GALNT8: variants seen among roughly 807,000 people sequenced by gnomAD.
GALNT8 encodes the protein probable polypeptide N-acetylgalactosaminyltransferase 8.
Under a neutral mutation model 62.7 loss-of-function variants are expected in GALNT8, and 66 were observed. The ratio of observed to expected loss-of-function variants is 1.05; its 90% CI spans 0.86 to 1.29. The LOEUF is 1.29. Ranked by LOEUF, GALNT8 falls within the 50% of genes most tolerant of loss-of-function variation. GALNT8 has a pLI of 0.00. For synonymous variants in GALNT8, 288 were observed against 294.3 expected (o/e 0.98, Z 0.22); for missense variants, 771 against 791.8 (o/e 0.97, Z 0.32).
At chr12:4,746,928 C>T (rs891692176) in intron 6 of GALNT8, among the ~76,000 whole-genome samples, 1 of 152,092 alleles carries the variant, frequency 6.6e-6, no homozygotes, top group Admixed American at 6.6e-5. Context: ...AATAAATCCT[C>T]AAACCAGTGC....
chr12:4,754,109 C>T (rs763877087), intron 6 of GALNT8, among the ~76,000 whole-genome samples: 1 of 152,144 alleles, frequency 6.6e-6, no homozygotes, highest in Non-Finnish European at 1.5e-5. Context: ...CCGTGACCAC[C>T]GCCACTGTGA....
chr12:4,766,289 C>T (rs999166557), intron 10 of GALNT8, among the ~76,000 whole-genome samples: 1 of 152,142 alleles, frequency 6.6e-6, no homozygotes, highest in East Asian at 1.9e-4. Context: ...CAAGTCCTAG[C>T]TCAGTATAGC....
chr12:4,726,453 T>C lies in GALNT8; in HGVS notation c.212-79T>C, dbSNP rs527347091. ...TAGTGGGTAAACCGTTAGAGGAAATTAGGATGGAAAGGAATACCCAGGTAA... is the reference window on the plus strand; with the variant it reads ...TAGTGGGTAAACCGTTAGAGGAAATCAGGATGGAAAGGAATACCCAGGTAA... On this transcript the variant is annotated intron_variant, in intron 1 of 10. Transcript: ENST00000252318. This position sits in a 1 kb window ranked among gnomAD's most constrained non-coding sequence, Gnocchi z 4.1. 1.4e-4 allele frequency: 132 copies of C among 961,156 alleles called. 1 individual carries two copies. The South Asian group carries it at 2.0e-3, about 14-fold the overall frequency. 59.5% of individuals were successfully genotyped at this position (961,156 alleles called of 1,614,324 possible).
At position 4,720,483 on chromosome 12, in the gene GALNT8, CAAAG is replaced by C. The variant is rs1382368009; in HGVS notation, c.-192_-189del. On this transcript the variant is annotated 5_prime_UTR_variant, in exon 1 of 11. Transcript: ENST00000252318. ...CGGTTATCCTCTCGGGGCATAAAGA[CAAAG>C]AAGGCAATAAGGAGACTTTGCTCCT... The C allele has an allele frequency of 1.2e-5, 7 of 586,232 alleles. No individual in the cohort carries two copies. Among genetic ancestry groups the C allele is most frequent in the Non-Finnish European group, 2.1e-5 (7 of 330,008 alleles). The allele number at this position is 586,232 out of a possible 1,614,324, so 36.3% of individuals were successfully genotyped here. A position where few individuals can be genotyped will look rare whatever the true frequency, so the allele number is the denominator to read the frequency against.
intron 1 of GALNT8, among the ~76,000 whole-genome samples, chr12:4,723,346 C>G (rs1946179579): frequency 6.6e-6 from 1 of 152,136 alleles, no homozygotes; most frequent in African/African-American, 2.4e-5. Context: ...CGGACATTGC[C>G]CATGCAAATA....
intron 1 of GALNT8, among the ~76,000 whole-genome samples, chr12:4,725,455 G>A (rs1445109034): frequency 6.6e-6 from 1 of 151,362 alleles, no homozygotes; most frequent in Non-Finnish European, 1.5e-5. Context: ...TAGACCAATT[G>A]TTTAAAATAT....
At chr12:4,758,633 TGTGTGAGAGAGAGAGAGAGAGAGA>T (rs930931585) in intron 6 of GALNT8, among the ~76,000 whole-genome samples, 1 of 79,834 alleles carries the variant, frequency 1.3e-5, no homozygotes, top group African/African-American at 4.0e-5. Flanking sequence ...TGTGTGTGTG[TGTGTGAGAGAGAGAGAGAGAGAGA>T]GAGAGAGAGA....
intron 10 of GALNT8, among the ~76,000 whole-genome samples, chr12:4,767,629 G>C (rs1946405578): frequency 6.6e-6 from 1 of 152,188 alleles, no homozygotes; most frequent in Non-Finnish European, 1.5e-5. Flanking sequence ...CAGAAGAATA[G>C]GCTGCTGAGC....
intron 2 of GALNT8, among the ~76,000 whole-genome samples, chr12:4,728,833 A>G (rs866689727): frequency 1.3e-5 from 2 of 152,148 alleles, no homozygotes; most frequent in East Asian, 1.9e-4. Context: ...TGTTTTGTCT[A>G]TTCTGGGACC....
rs199804344 is a variant in GALNT8 at position 4,720,681 on chromosome 12, A to T, written c.4A>T (p.Met2Leu). 1.2e-6 allele frequency: 2 copies of T among 1,603,996 alleles called. No individual in the cohort carries two copies. Among genetic ancestry groups the T allele is most frequent in the Non-Finnish European group, 1.7e-6 (2 of 1,170,852 alleles). The change falls in exon 1 of 11, where the codon ATG becomes TTG. Residue 2 changes from methionine to leucine, a missense_variant. Met to Leu is a conservative substitution (Grantham distance 15). Transcript: ENST00000252318. The part of the protein sequence containing the change: M[M>L]FWRKLPKALF... ...GTGGACGACCCCCAGGAAGAAGATG[A>T]TGTTTTGGAGGAAACTCCCCAAAGC...
At chr12:4,758,704 AT>A (rs771461338) in intron 6 of GALNT8, among the ~76,000 whole-genome samples, 9 of 150,946 alleles carry the variant, frequency 6.0e-5, no homozygotes, top group Non-Finnish European at 1.0e-4. Flanking sequence ...GCAAGTGGGA[AT>A]AAATTTGGAG....
chr12:4,770,235 G>C (rs1279530712), intron 10 of GALNT8, among the ~76,000 whole-genome samples: 1 of 151,602 alleles, frequency 6.6e-6, no homozygotes, highest in Non-Finnish European at 1.5e-5. Flanking sequence ...CCGGGAGGCG[G>C]AGGTTGCAAG....
At chr12:4,748,319 C>G (rs182677177) in intron 6 of GALNT8, among the ~76,000 whole-genome samples, 143 of 152,086 alleles carry the variant, frequency 9.4e-4, no homozygotes, top group Admixed American at 2.5e-3. Flanking sequence ...AGAGATTTTC[C>G]TCATTTTTTT....
chr12:4,757,730 G>A (rs1331408236), intron 6 of GALNT8, among the ~76,000 whole-genome samples: 2 of 151,836 alleles, frequency 1.3e-5, no homozygotes, highest in Non-Finnish European at 2.9e-5. Context: ...ACTGGGTTAT[G>A]TGCCCAGATG....
At chr12:4,747,077 A>G (rs1402113942) in intron 6 of GALNT8, among the ~76,000 whole-genome samples, 8 of 152,274 alleles carry the variant, frequency 5.3e-5, no homozygotes, top group Admixed American at 4.6e-4. Context: ...ATTAAATTTT[A>G]AATTTTTGTG....
Position 4,720,749 on chromosome 12 carries a change from T to G in GALNT8, c.72T>G (p.Leu24=), listed in dbSNP as rs781615388. ...CTCTGGCCATTGCTGTCAATCTCCTTCTGGTATTTTCTAGCAAGGGGACTT... is the reference window on the plus strand; with the variant it reads ...CTCTGGCCATTGCTGTCAATCTCCTGCTGGTATTTTCTAGCAAGGGGACTT... ...GLTLAIAVNL[L]LVFSSKGTLQ... Residue 24 remains leucine (L), a synonymous_variant, in exon 1 of 11, where the codon CTT becomes CTG. Coordinates refer to ENST00000252318, the MANE Select transcript of GALNT8 (RefSeq NM_017417.2). 1 of 1,613,434 alleles carries G rather than the reference T, an allele frequency of 6.2e-7. No individual in the cohort carries two copies. The highest frequency in any genetic ancestry group is 8.5e-7 in the Non-Finnish European group (1 of 1,179,376).
Position 4,760,987 on chromosome 12 carries a change from T to C in GALNT8, c.1203T>C (p.Ile401=), listed in dbSNP as rs369241514. 62 of 1,613,866 alleles carry C rather than the reference T, an allele frequency of 3.8e-5. No individual in the cohort carries two copies. The highest frequency in any genetic ancestry group is 5.2e-5 in the Non-Finnish European group (61 of 1,179,998). Residue 401 remains isoleucine, a synonymous_variant, in exon 7 of 11, where the codon ATT becomes ATC. Coordinates refer to ENST00000252318, the MANE Select transcript of GALNT8 (RefSeq NM_017417.2). The stretch of plus-strand genomic sequence containing the variant: ...GGCAGTGTGGAGGGAAGGTCGAGAT[T>C]TTGCCCTGTTCCCGGATTGCCCACC... ...RVWQCGGKVE[I]LPCSRIAHLE...
In GALNT8 at chr12:4,720,634, G is replaced by GACAC. The variant is rs772998750; in HGVS notation, c.-41_-38dup. 2 of 1,217,038 alleles carry GACAC rather than the reference G, an allele frequency of 1.6e-6. No individual in the cohort carries two copies. Among genetic ancestry groups the GACAC allele is most frequent in the Admixed American group, 3.4e-5 (2 of 59,502 alleles). 75.4% of individuals were successfully genotyped at this position (1,217,038 alleles called of 1,614,324 possible). A position where few individuals can be genotyped will look rare whatever the true frequency, so the allele number is the denominator to read the frequency against. ...CTGATTCTTAACCTGCTCCAGCAGT[G>GACAC]ACACACTCAGTCCCACAGGGAGTGG... is the stretch of plus-strand genomic sequence containing the variant. On this transcript the variant is annotated 5_prime_UTR_variant, in exon 1 of 11. Coordinates refer to ENST00000252318, the MANE Select transcript of GALNT8 (RefSeq NM_017417.2).
chr12:4,765,386 AC>A lies in GALNT8; in HGVS notation c.1602del (p.Tyr535IlefsTer3). The A allele has an allele frequency of 6.8e-7, 1 of 1,479,050 alleles. No individual in the cohort carries two copies. Among genetic ancestry groups the A allele is most frequent in the Non-Finnish European group, 9.0e-7 (1 of 1,109,480 alleles). 91.6% of individuals were successfully genotyped at this position (1,479,050 alleles called of 1,614,324 possible). On this transcript the variant is annotated frameshift_variant, in exon 10 of 11. Transcript: ENST00000252318. LOFTEE classifies it high-confidence loss of function. ...YCHEFSSQNV[Y>X]YHLTGELYVG... ...TTTTTTTTTTTTTTTTAGAATGTCTACTATCACCTAACTGGGGAGCTCTATG... is the reference window on the plus strand; with the variant it reads ...TTTTTTTTTTTTTTTTAGAATGTCTATATCACCTAACTGGGGAGCTCTATG...
Sources: allele counts gnomAD v4.1 joint callset (sites outside exome capture counted in the v4.1 genomes callset), GRCh38; gene constraint gnomAD v4.1.1; non-coding constraint Gnocchi (gnomAD v3.1); transcripts MANE v1.5; gene names NCBI Gene and HGNC (gene_info 2026-07-23, HGNC 2026-07-21).